CAST: variants seen among roughly 807,000 people sequenced by gnomAD.
The protein encoded by CAST is MIR583 host.
Under a neutral mutation model 119.6 loss-of-function variants are expected in CAST, and 76 were observed. That is an observed-to-expected ratio of 0.64 (90% CI 0.53 to 0.77). The LOEUF (loss-of-function observed/expected upper bound fraction) is 0.77, where lower values mean the gene tolerates loss of function less well. CAST is among the 30% of genes least tolerant of loss of function. The pLI is 0.00. For synonymous variants in CAST, 319 were observed against 331.6 expected (o/e 0.96, Z 0.41); for missense variants, 953 against 946.5 (o/e 1.01, Z -0.09).
At chr5:96,536,631 G>T (rs1375030390) in intron 1 of CAST, among the ~76,000 whole-genome samples, 1 of 152,168 alleles carries the variant, frequency 6.6e-6, no homozygotes, top group Non-Finnish European at 1.5e-5. Context: ...GATTTCCAGA[G>T]TGATGATACA....
At position 96,689,841 on chromosome 5, in the gene CAST, T is replaced by C. The variant is rs186323622; in HGVS notation, c.139-5995T>C. ...TACTTCTATTGTCATTTTTTTGTTA[T>C]TCACTTTTCTACTTCTTCATTTCCC... On this transcript the variant is annotated intron_variant, in intron 2 of 31. Transcript: ENST00000675179. Among the ~76,000 whole-genome samples, 388 of 152,370 alleles carry C rather than the reference T, an allele frequency of 2.5e-3. 2 individuals are homozygous for C. Among genetic ancestry groups the C allele is most frequent in the African/African-American group, 8.6e-3 (358 of 41,586 alleles).
the CAST span, among the ~76,000 whole-genome samples, chr5:96,446,742 C>T: frequency 6.6e-6 from 1 of 152,080 alleles, no homozygotes; most frequent in Admixed American, 6.5e-5. Flanking sequence ...GTGCCATAAG[C>T]AATGGAATGG....
chr5:96,212,713 T>A, the CAST span, among the ~76,000 whole-genome samples: 2 of 152,204 alleles, frequency 1.3e-5, no homozygotes, highest in African/African-American at 2.4e-5. Flanking sequence ...GACTTGTCTA[T>A]TTCTCTTTTC....
the CAST span, among the ~76,000 whole-genome samples, chr5:96,157,683 C>A: frequency 6.6e-6 from 1 of 152,272 alleles, no homozygotes; most frequent in East Asian, 1.9e-4. Context: ...ATTTTTAGCC[C>A]AATTAGCCAG....
chr5:96,225,201 T>C, the CAST span, among the ~76,000 whole-genome samples: 5 of 152,246 alleles, frequency 3.3e-5, no homozygotes, highest in African/African-American at 1.2e-4. Flanking sequence ...TAATAAGTAT[T>C]TATTGACTTT....
At chr5:96,244,701 A>C in the CAST span, among the ~76,000 whole-genome samples, 50 of 152,318 alleles carry the variant, frequency 3.3e-4, no homozygotes, top group East Asian at 8.5e-3. Flanking sequence ...GCTCACTACA[A>C]AGCCTGCACT....
chr5:96,325,703 C>T, the CAST span, among the ~76,000 whole-genome samples: 2 of 152,088 alleles, frequency 1.3e-5, no homozygotes, highest in Admixed American at 1.3e-4. Flanking sequence ...TGGTCTCAAA[C>T]TCCTAAGCTC....
chr5:96,099,563 T>C, the CAST span, among the ~76,000 whole-genome samples: 2 of 152,240 alleles, frequency 1.3e-5, no homozygotes, highest in African/African-American at 4.8e-5. Flanking sequence ...AAAAGGTTTT[T>C]CTGCATCTAT....
chr5:96,162,713 C>T, the CAST span, among the ~76,000 whole-genome samples: 27 of 152,234 alleles, frequency 1.8e-4, no homozygotes, highest in African/African-American at 5.8e-4. Flanking sequence ...CCACTGCACC[C>T]GGCCTGATTT....
chr5:96,741,692 T>C, intron 15 of CAST, 112 bp downstream of exon 15: 1 of 704,718 alleles, frequency 1.4e-6, no homozygotes, highest in Non-Finnish European at 2.5e-6. Context: ...TTTTTCCCTC[T>C]CAGGTCTATG....
chr5:96,709,461 TA>T (rs1337555140), intron 3 of CAST, among the ~76,000 whole-genome samples: 9 of 152,248 alleles, frequency 5.9e-5, no homozygotes, highest in Non-Finnish European at 1.3e-4. Flanking sequence ...TTCTCTTCTT[TA>T]AAGCTTACCT....
At chr5:96,599,105 A>C in intron 1 of CAST, among the ~76,000 whole-genome samples, 1 of 152,258 alleles carries the variant, frequency 6.6e-6, no homozygotes, top group East Asian at 1.9e-4. Flanking sequence ...TTCTCTGAAG[A>C]ACCCTGACTA....
At chr5:96,608,786 G>A (rs915060411) in intron 1 of CAST, among the ~76,000 whole-genome samples, 4 of 152,174 alleles carry the variant, frequency 2.6e-5, no homozygotes, top group African/African-American at 9.7e-5. Flanking sequence ...AATCATAGTG[G>A]AATGTGAAGA....
At chr5:96,637,053 A>C (rs17086443) in intron 1 of CAST, among the ~76,000 whole-genome samples, 5,067 of 152,224 alleles carry the variant, frequency 0.033, 295 homozygotes, top group African/African-American at 0.12. Context: ...CATTACTGTG[A>C]CTATGAAAGA....
At chr5:96,563,513 C>T (rs1746418934) in intron 1 of CAST, among the ~76,000 whole-genome samples, 3 of 151,906 alleles carry the variant, frequency 2.0e-5, no homozygotes, top group Non-Finnish European at 1.5e-5. Flanking sequence ...AAAAGAGAAA[C>T]AAGAAATTGG....
the CAST span, among the ~76,000 whole-genome samples, chr5:96,357,091 CAATTGTG>C: frequency 4.6e-5 from 7 of 152,120 alleles, no homozygotes; most frequent in Middle Eastern, 3.2e-3. Flanking sequence ...TCTCTTTGAG[CAATTGTG>C]AATGGGAGTT....
intron 1 of CAST, among the ~76,000 whole-genome samples, chr5:96,596,460 G>A (rs2150192917): frequency 6.6e-6 from 1 of 152,234 alleles, no homozygotes; most frequent in South Asian, 2.1e-4. Flanking sequence ...CTGATTTTTT[G>A]CTTTTGCCTC....
chr5:96,624,228 G>A (rs1056318369), intron 1 of CAST, among the ~76,000 whole-genome samples: 9 of 152,180 alleles, frequency 5.9e-5, no homozygotes, highest in Non-Finnish European at 1.2e-4. Context: ...TGGGGGGTTT[G>A]CTTTTGGTTT....
the CAST span, among the ~76,000 whole-genome samples, chr5:96,355,835 G>C: frequency 6.6e-6 from 1 of 152,034 alleles, no homozygotes; most frequent in African/African-American, 2.4e-5. Flanking sequence ...CCGAGTAGCT[G>C]GGACTACAGG....
Sources: gnomAD v4.1 joint callset for allele counts (sites outside exome capture counted in the v4.1 genomes callset) on GRCh38, gnomAD v4.1.1 for gene constraint, MANE v1.5 for transcripts, NCBI Gene and HGNC (gene_info 2026-07-23, HGNC 2026-07-21) for gene names.